The following ANKRD44 variants were observed in gnomAD, a reference collection of about 807,000 sequenced individuals.
ANKRD44 encodes the protein ankyrin repeat domain 44, also known as serine/threonine-protein phosphatase 6 regulatory ankyrin repeat subunit B.
In ANKRD44, 35 loss-of-function variants were observed where a neutral mutation model predicts 116.0. The observed-to-expected ratio is 0.30, with a 90% CI of 0.23 to 0.40. The LOEUF is 0.40. Ranked by LOEUF, ANKRD44 falls within the 10% of genes least tolerant of loss-of-function variation. The pLI, the probability that ANKRD44 is intolerant of heterozygous loss-of-function variation, is 1.00. For synonymous variants in ANKRD44, 435 were observed against 461.8 expected (o/e 0.94, Z 0.74); for missense variants, 1,014 against 1,242.6 (o/e 0.82, Z 2.77).
intron 8 of ANKRD44, among the ~76,000 whole-genome samples, chr2:197,116,713 G>A (rs929167800): frequency 6.6e-6 from 1 of 151,944 alleles, no homozygotes. Flanking sequence ...GGGCGGTCTC[G>A]TCCCTTTCTC....
chr2:197,169,455 C>G (rs1176588729), intron 2 of ANKRD44, among the ~76,000 whole-genome samples: 3 of 152,194 alleles, frequency 2.0e-5, no homozygotes. Context: ...ACCACTAATA[C>G]AACCCCAGCA....
At chr2:197,299,956 C>T (rs1389498996) in intron 1 of ANKRD44, among the ~76,000 whole-genome samples, 7 of 152,220 alleles carry the variant, frequency 4.6e-5, no homozygotes. Context: ...TGTTTGTTCA[C>T]AAAATGTTGC....
At chr2:197,148,878 C>A (rs553792849) in intron 2 of ANKRD44, among the ~76,000 whole-genome samples, 2 of 152,090 alleles carry the variant, frequency 1.3e-5, no homozygotes, top group Admixed American at 6.5e-5. Flanking sequence ...AAATTCAGTA[C>A]GATATATGAC....
intron 13 of ANKRD44, among the ~76,000 whole-genome samples, chr2:197,085,990 G>C (rs2077913280): frequency 6.6e-6 from 1 of 152,070 alleles, no homozygotes. Flanking sequence ...TAGGGGAGCA[G>C]AGAAGAGGGG....
intron 1 of ANKRD44, among the ~76,000 whole-genome samples, chr2:197,303,722 T>C: frequency 6.6e-6 from 1 of 152,224 alleles, no homozygotes; most frequent in East Asian, 1.9e-4. Context: ...ATCGACTTAG[T>C]AATCCCTGAA....
At chr2:197,154,174 C>CA (rs2079739402) in intron 2 of ANKRD44, among the ~76,000 whole-genome samples, 1 of 106,842 alleles carries the variant, frequency 9.4e-6, no homozygotes, top group African/African-American at 3.8e-5. Flanking sequence ...TATCGGCTTT[C>CA]TTTTTTTTTT....
intron 2 of ANKRD44, among the ~76,000 whole-genome samples, chr2:197,167,118 C>G (rs1008949713): frequency 2.0e-5 from 3 of 152,082 alleles, no homozygotes; most frequent in Non-Finnish European, 4.4e-5. Context: ...AAAAATCAAG[C>G]CTCCTCAGGT....
chr2:197,015,254 A>T, intron 17 of ANKRD44: 1 of 337,548 alleles, frequency 3.0e-6, no homozygotes, highest in Non-Finnish European at 5.7e-6. Context: ...CCCATCTAAC[A>T]GCGAAGAAAA....
At chr2:197,303,011 G>A (rs923744976) in intron 1 of ANKRD44, among the ~76,000 whole-genome samples, 1 of 152,220 alleles carries the variant, frequency 6.6e-6, no homozygotes, top group African/African-American at 2.4e-5. Context: ...AGAAGTTCAA[G>A]AGGATTCTCA....
intron 1 of ANKRD44, among the ~76,000 whole-genome samples, chr2:197,294,369 A>ACG (rs1463742878): frequency 1.3e-5 from 2 of 151,070 alleles, no homozygotes; most frequent in Non-Finnish European, 3.0e-5. Context: ...GAAAGATGAC[A>ACG]TGTTGACTGA....
At chr2:197,243,098 A>C (rs1046163153) in intron 1 of ANKRD44, among the ~76,000 whole-genome samples, 6 of 152,238 alleles carry the variant, frequency 3.9e-5, no homozygotes, top group Non-Finnish European at 5.9e-5. Flanking sequence ...CAAGTGCTCT[A>C]ATGATTGCAG....
intron 1 of ANKRD44, among the ~76,000 whole-genome samples, chr2:197,208,847 A>G (rs2081266007): frequency 6.6e-6 from 1 of 152,208 alleles, no homozygotes; most frequent in African/African-American, 2.4e-5. Flanking sequence ...TTTCTCTTTA[A>G]TGCTTTCACA....
intron 1 of ANKRD44, among the ~76,000 whole-genome samples, chr2:197,298,699 C>T (rs905667112): frequency 4.6e-5 from 7 of 152,168 alleles, no homozygotes; most frequent in Non-Finnish European, 1.0e-4. Flanking sequence ...AAGCAGATCA[C>T]TTGATTCCAG....
intron 1 of ANKRD44, among the ~76,000 whole-genome samples, chr2:197,190,229 T>C (rs1467672764): frequency 6.6e-6 from 1 of 152,160 alleles, no homozygotes; most frequent in Non-Finnish European, 1.5e-5. Flanking sequence ...TAGAGACACA[T>C]GTTGAGTCAT....
chr2:197,233,136 G>T (rs1424052500), intron 1 of ANKRD44, among the ~76,000 whole-genome samples: 3 of 152,132 alleles, frequency 2.0e-5, no homozygotes, highest in Non-Finnish European at 4.4e-5. Flanking sequence ...GGAGAGCCTG[G>T]CTCCATCCAA....
At chr2:197,017,479 G>T (rs1373096593) in intron 17 of ANKRD44, among the ~76,000 whole-genome samples, 1 of 152,144 alleles carries the variant, frequency 6.6e-6, no homozygotes, top group Non-Finnish European at 1.5e-5. Flanking sequence ...TAAGAGTACA[G>T]ATACATTAAA....
At chr2:197,033,825 C>T (rs1005810540) in intron 16 of ANKRD44, among the ~76,000 whole-genome samples, 1 of 151,978 alleles carries the variant, frequency 6.6e-6, no homozygotes, top group African/African-American at 2.4e-5. Flanking sequence ...TCTAAGTAGT[C>T]CCCTTCCTTT....
At chr2:197,115,585 A>C (rs952881203) in intron 8 of ANKRD44, among the ~76,000 whole-genome samples, 3 of 152,200 alleles carry the variant, frequency 2.0e-5, no homozygotes, top group African/African-American at 7.2e-5. Flanking sequence ...TGAAGACATC[A>C]CTTTTACTAT....
chr2:197,109,333 A>C (rs2078511799), intron 9 of ANKRD44, among the ~76,000 whole-genome samples: 1 of 152,238 alleles, frequency 6.6e-6, no homozygotes, highest in South Asian at 2.1e-4. Flanking sequence ...CCTTTTCAAT[A>C]AAATGAATGT....
Sources: allele counts gnomAD v4.1 joint callset (sites outside exome capture counted in the v4.1 genomes callset), GRCh38; gene constraint gnomAD v4.1.1; transcripts MANE v1.5; gene names NCBI Gene and HGNC (gene_info 2026-07-23, HGNC 2026-07-21).